Variants in VASH2 observed in about 807,000 individuals in gnomAD.
The protein encoded by VASH2 is tubulinyl-Tyr carboxypeptidase 2.
In VASH2, 28 loss-of-function variants were observed where a neutral mutation model predicts 37.2. That is an observed-to-expected ratio of 0.75 (90% CI 0.56 to 1.03). The LOEUF (loss-of-function observed/expected upper bound fraction) is 1.03. VASH2 is among the 50% of genes least tolerant of loss of function. The pLI is 0.00. For synonymous variants in VASH2, 188 were observed against 174.7 expected (o/e 1.08, Z -0.60); for missense variants, 419 against 459.1 (o/e 0.91, Z 0.80).
At chr1:212,976,800 G>T (rs1667187051) in intron 7 of VASH2, among the ~76,000 whole-genome samples, 1 of 152,204 alleles carries the variant, frequency 6.6e-6, no homozygotes, top group Admixed American at 6.5e-5. Context: ...ACCAGAGTGG[G>T]CCTGGGAATG....
At chr1:212,955,425 C>T (rs1666458858) in intron 2 of VASH2, among the ~76,000 whole-genome samples, 1 of 152,174 alleles carries the variant, frequency 6.6e-6, no homozygotes, top group South Asian at 2.1e-4. Flanking sequence ...CTGAAGTTAG[C>T]AGTTGACGAG....
In VASH2 at chr1:212,984,864, C is replaced by G. The variant is rs17020082; in HGVS notation, c.996-3648C>G. On this transcript the variant is annotated intron_variant, in intron 7 of 7. Coordinates refer to ENST00000517399, the MANE Select transcript of VASH2 (RefSeq NM_001301056.2). ...TCCTAGAAGTGAGTATGACTCCTGACTTCATTTGGACTATGGCCATTCCTC... is the reference window on the plus strand; with the variant it reads ...TCCTAGAAGTGAGTATGACTCCTGAGTTCATTTGGACTATGGCCATTCCTC... Among the ~76,000 whole-genome samples the G allele has an allele frequency of 2.7e-3, 418 of 152,278 alleles. 4 individuals are homozygous for G. Among genetic ancestry groups the G allele is most frequent in the African/African-American group, 9.6e-3 (399 of 41,550 alleles).
chr1:212,974,505 CAGA>C (rs1415339307), intron 7 of VASH2: 1 of 152,548 alleles, frequency 6.6e-6, no homozygotes, highest in Non-Finnish European at 1.5e-5. Context: ...CTGTACCCAG[CAGA>C]AGGTGTGATT....
chr1:212,968,351 C>T (rs1281156066), intron 5 of VASH2: 2 of 985,232 alleles, frequency 2.0e-6, no homozygotes, highest in Non-Finnish European at 1.2e-6. Flanking sequence ...GAAAGAAAAC[C>T]AGGAGAGAAA....
intron 2 of VASH2, among the ~76,000 whole-genome samples, chr1:212,959,019 G>A (rs1194942893): frequency 1.3e-5 from 2 of 152,114 alleles, no homozygotes; most frequent in Non-Finnish European, 2.9e-5. Flanking sequence ...GTCAGCCACT[G>A]CGCCCGACCT....
At position 212,951,477 on chromosome 1, in the gene VASH2, CCCG is replaced by C. The variant is rs930397646; in HGVS notation, c.-52_-50del. 1.1e-3 allele frequency: 1,158 copies of C among 1,054,454 alleles called. No individual in the cohort carries two copies. Among genetic ancestry groups the C allele is most frequent in the East Asian group, 2.3e-3 (47 of 20,296 alleles). The allele number at this position is 1,054,454 out of a possible 1,614,324, so 65.3% of individuals were successfully genotyped here. A position where few individuals can be genotyped will look rare whatever the true frequency, so the allele number is the denominator to read the frequency against. Reference sequence around the variant, plus strand: ...TCGCCGCGCCCGCGCGCACACGCCCCCCGCCGCCGCCGCCGCTGCCGCCGCCGC... The same window carrying C: ...TCGCCGCGCCCGCGCGCACACGCCCCCCGCCGCCGCCGCTGCCGCCGCCGC... On this transcript the variant is annotated 5_prime_UTR_variant, in exon 2 of 8. Transcript: ENST00000517399. This position sits in a 1 kb window ranked among gnomAD's most constrained non-coding sequence, Gnocchi z 4.4.
intron 7 of VASH2, among the ~76,000 whole-genome samples, chr1:212,975,637 G>T (rs1437900730): frequency 6.6e-6 from 1 of 152,204 alleles, no homozygotes; most frequent in African/African-American, 2.4e-5. Flanking sequence ...TTGTCTCAGA[G>T]GACTATGAAC....
chr1:212,984,541 A>G (rs2102660843), intron 7 of VASH2, among the ~76,000 whole-genome samples: 1 of 152,312 alleles, frequency 6.6e-6, no homozygotes, highest in South Asian at 2.1e-4. Context: ...CAACAACTTG[A>G]AAATACTGTG....
Position 212,966,360 on chromosome 1 carries a change from A to G in VASH2, c.497+15A>G, listed in dbSNP as rs1439348290. On this transcript the variant is annotated intron_variant, in intron 5 of 7. Transcript: ENST00000517399. ...ATCCTGGGCATGTATCCTTTAAGTT[A>G]TGTATGCTTAGTTTACTCCATAAAT... The G allele has an allele frequency of 1.3e-6, 2 of 1,550,186 alleles. No homozygotes were observed. Among genetic ancestry groups the G allele is most frequent in the Admixed American group, 3.9e-5 (2 of 51,008 alleles).
intron 5 of VASH2, 71 bp from the exon 6 acceptor site, chr1:212,972,509 T>C: frequency 6.4e-7 from 1 of 1,571,886 alleles, no homozygotes; most frequent in Non-Finnish European, 8.6e-7. Flanking sequence ...CTGAGACACT[T>C]TCCCTTCCTT....
At chr1:212,969,178 G>C (rs996638627) in intron 5 of VASH2, 9 of 983,504 alleles carry the variant, frequency 9.2e-6, no homozygotes, top group Non-Finnish European at 1.1e-5. Flanking sequence ...AGGAAACACA[G>C]ATCCGAATTC....
intron 7 of VASH2, among the ~76,000 whole-genome samples, chr1:212,983,929 A>T (rs1472363460): frequency 2.6e-5 from 4 of 152,238 alleles, no homozygotes; most frequent in Admixed American, 2.6e-4. Context: ...TGCTAACTGC[A>T]TGACTTTGCT....
intron 7 of VASH2, among the ~76,000 whole-genome samples, chr1:212,978,219 G>A (rs1182122142): frequency 6.6e-6 from 1 of 152,176 alleles, no homozygotes; most frequent in Non-Finnish European, 1.5e-5. Context: ...ATGCCCATAC[G>A]CTAATCTCTG....
At chr1:212,958,966 C>T (rs898939281) in intron 2 of VASH2, among the ~76,000 whole-genome samples, 9 of 152,002 alleles carry the variant, frequency 5.9e-5, no homozygotes, top group Non-Finnish European at 1.2e-4. Context: ...TGGGCTCAAG[C>T]GATCTGCCCA....
rs2075826124 is a variant in VASH2 at position 212,988,899 on chromosome 1, G to C, written c.*315G>C. 1 of 300,042 alleles carries C rather than the reference G, an allele frequency of 3.3e-6. No individual in the cohort carries two copies. Among genetic ancestry groups the C allele is most frequent in the Admixed American group, 4.2e-5 (1 of 23,658 alleles). 18.6% of individuals were successfully genotyped at this position (300,042 alleles called of 1,614,324 possible). On this transcript the variant is annotated 3_prime_UTR_variant, in exon 8 of 8. Coordinates refer to ENST00000517399, the MANE Select transcript of VASH2 (RefSeq NM_001301056.2). ...TTCTTTTACTTGCTTTGAACATTAT[G>C]CCTCACCAATAGTAAATGTTCATGA...
rs148691795 is a variant in VASH2 at position 212,988,539 on chromosome 1, T to C, written c.1023T>C (p.Ala341=). The change falls in exon 8 of 8, where the codon GCT becomes GCC. Residue 341 remains alanine (A), a synonymous_variant. Coordinates refer to ENST00000517399, the MANE Select transcript of VASH2 (RefSeq NM_001301056.2). ...CTGCACTGCCTGAAAAGAAGGTGGC[T>C]GATCTGAGCACTCTGAATGAAGTGG... ...KSPALPEKKV[A]DLSTLNEVGY... is the part of the protein sequence containing the mutation. 230 of 1,614,188 alleles carry C rather than the reference T, an allele frequency of 1.4e-4. 3 individuals carry two copies. The East Asian group carries it at 5.1e-3, about 35-fold the overall frequency.
rs767856229 is a variant in VASH2, at chr1:212,968,988, G to A, written c.497+2643G>A. ...GCATCATGCCACTGGAATCACCCAC[G>A]ACCTTTTGGAATTGTGGGGATAGAC... On this transcript the variant is annotated intron_variant, in intron 5 of 7. Transcript: ENST00000517399. 5.1e-6 allele frequency: 5 copies of A among 985,274 alleles called. No homozygotes were observed. The African/African-American group carries it at 5.2e-5, about 10-fold the overall frequency. The allele number at this position is 985,274 out of a possible 1,614,324, so 61.0% of individuals were successfully genotyped here.
chr1:212,969,428 C>A (rs1162407699), intron 5 of VASH2, among the ~76,000 whole-genome samples: 2 of 152,138 alleles, frequency 1.3e-5, no homozygotes, highest in African/African-American at 4.8e-5. Context: ...AATCTGCTGA[C>A]CTCGTGATCC....
intron 6 of VASH2, 199 bp from the exon 7 acceptor site, chr1:212,973,756 T>C: frequency 7.3e-7 from 1 of 1,366,460 alleles, no homozygotes; most frequent in Admixed American, 3.1e-5. Flanking sequence ...TTGGAAGTGG[T>C]GCCCTTGCTG....
Sources: allele counts gnomAD v4.1 joint callset (sites outside exome capture counted in the v4.1 genomes callset), GRCh38; gene constraint gnomAD v4.1.1; non-coding constraint Gnocchi (gnomAD v3.1); transcripts MANE v1.5; gene names NCBI Gene and HGNC (gene_info 2026-07-23, HGNC 2026-07-21).